The following CHST9 variants were observed in gnomAD, a reference collection of about 807,000 sequenced individuals.
CHST9 encodes GalNAc-4-sulfotransferase 2.
CHST9 carries 41 observed loss-of-function variants against 44.4 expected under a neutral mutation model. That is an observed-to-expected ratio of 0.92 (90% CI 0.72 to 1.20). The LOEUF is 1.20. Ranked by LOEUF, CHST9 falls within the 50% of genes most tolerant of loss-of-function variation. The pLI is 0.00. For synonymous variants in CHST9, 171 were observed against 178.4 expected (o/e 0.96, Z 0.33); for missense variants, 504 against 516.5 (o/e 0.98, Z 0.23).
chr18:26,938,340 G>A (rs1405084492), intron 5 of CHST9, among the ~76,000 whole-genome samples: 2 of 152,000 alleles, frequency 1.3e-5, no homozygotes, highest in African/African-American at 2.4e-5. Context: ...ACCACTTTTC[G>A]ATCCTTTCAG....
chr18:27,132,408 C>T (rs1049992217), intron 2 of CHST9, among the ~76,000 whole-genome samples: 3 of 152,172 alleles, frequency 2.0e-5, no homozygotes, highest in African/African-American at 7.2e-5. Context: ...AAAATCTGCA[C>T]CCCACCCCAA....
intron 2 of CHST9, among the ~76,000 whole-genome samples, chr18:27,093,881 C>CT (rs11296129): frequency 1.0e-4 from 15 of 147,406 alleles, no homozygotes; most frequent in African/African-American, 2.7e-4. Context: ...CCTTCCCTTC[C>CT]TTTTTTTTTT....
chr18:27,020,965 G>A (rs766196570), intron 4 of CHST9, among the ~76,000 whole-genome samples: 14 of 152,122 alleles, frequency 9.2e-5, no homozygotes, highest in Non-Finnish European at 1.8e-4. Context: ...AGCAAATTCT[G>A]GAATGAGGTT....
chr18:27,087,576 A>T (rs1289745161), intron 2 of CHST9, among the ~76,000 whole-genome samples: 1 of 152,324 alleles, frequency 6.6e-6, no homozygotes, highest in Non-Finnish European at 1.5e-5. Flanking sequence ...CCTGTTTTGC[A>T]AATTTGTAAC....
At chr18:26,946,661 T>C (rs1047628174) in intron 4 of CHST9, among the ~76,000 whole-genome samples, 3 of 152,222 alleles carry the variant, frequency 2.0e-5, no homozygotes, top group African/African-American at 7.2e-5. Context: ...GGTCTTACGT[T>C]TAAGTCTTTA....
At chr18:27,121,587 G>C (rs2058375041) in intron 2 of CHST9, among the ~76,000 whole-genome samples, 1 of 152,184 alleles carries the variant, frequency 6.6e-6, no homozygotes, top group Non-Finnish European at 1.5e-5. Flanking sequence ...GGAAGAAAGG[G>C]AGTCCTTTTT....
At chr18:27,176,810 C>A (rs2058872310) in intron 1 of CHST9, among the ~76,000 whole-genome samples, 1 of 151,960 alleles carries the variant, frequency 6.6e-6, no homozygotes, top group African/African-American at 2.4e-5. Flanking sequence ...GCTCTGGTAC[C>A]TGGGATTTCA....
At chr18:27,036,241 A>G (rs1340367245) in intron 3 of CHST9, among the ~76,000 whole-genome samples, 2 of 152,154 alleles carry the variant, frequency 1.3e-5, no homozygotes, top group Non-Finnish European at 2.9e-5. Flanking sequence ...GTCCTGCTTC[A>G]TAGGTAAGTC....
rs753710415 is a variant in CHST9, at chr18:26,912,814, T to C, written c.*3445A>G. On this transcript the variant is annotated 3_prime_UTR_variant, in exon 6 of 6. Transcript: ENST00000618847. ...TACTGTATAATGATCATGATTGAGATTGAGAAGGTATGAGCCTAAATGTAG... is the reference window on the plus strand; with the variant it reads ...TACTGTATAATGATCATGATTGAGACTGAGAAGGTATGAGCCTAAATGTAG... 3 of 152,202 alleles carry C rather than the reference T, an allele frequency of 2.0e-5. No homozygotes were observed. The highest frequency in any genetic ancestry group is 6.5e-5 in the Admixed American group (1 of 15,282). The allele number at this position is 152,202 out of a possible 1,614,324, so 9.4% of individuals were successfully genotyped here.
intron 3 of CHST9, among the ~76,000 whole-genome samples, chr18:27,024,990 T>C (rs1434937663): frequency 6.6e-6 from 1 of 151,012 alleles, no homozygotes; most frequent in African/African-American, 2.4e-5. Context: ...AATGTAATTA[T>C]ATGACTACTT....
At chr18:27,078,593 G>A (rs2057930255) in intron 2 of CHST9, among the ~76,000 whole-genome samples, 1 of 152,170 alleles carries the variant, frequency 6.6e-6, no homozygotes, top group Non-Finnish European at 1.5e-5. Flanking sequence ...GTTCAATGGT[G>A]TTATGTGACT....
chr18:27,052,280 ATATATATGTGTGTATATATG>A (rs1273287022), intron 2 of CHST9, among the ~76,000 whole-genome samples: 2 of 69,348 alleles, frequency 2.9e-5, no homozygotes, highest in Non-Finnish European at 4.9e-5. Flanking sequence ...ATATATATGT[ATATATATGTGTGTATATATG>A]TATATATGTG....
chr18:27,045,301 C>T (rs2057487166), intron 3 of CHST9, among the ~76,000 whole-genome samples: 1 of 151,928 alleles, frequency 6.6e-6, no homozygotes, highest in Non-Finnish European at 1.5e-5. Context: ...AGTAAGCATC[C>T]TAACATACCT....
chr18:26,939,288 A>G (rs565755965), intron 5 of CHST9, among the ~76,000 whole-genome samples: 79 of 152,300 alleles, frequency 5.2e-4, no homozygotes, highest in African/African-American at 1.9e-3. Flanking sequence ...TAAATTTTGT[A>G]CATGAAGAGA....
At chr18:26,959,181 A>G (rs909566867) in intron 4 of CHST9, among the ~76,000 whole-genome samples, 1 of 152,224 alleles carries the variant, frequency 6.6e-6, no homozygotes, top group Non-Finnish European at 1.5e-5. Flanking sequence ...AGATGCAGCT[A>G]GAGGCCATTA....
intron 4 of CHST9, among the ~76,000 whole-genome samples, chr18:26,947,424 G>C (rs373567845): frequency 4.6e-5 from 7 of 152,286 alleles, no homozygotes; most frequent in African/African-American, 1.7e-4. Context: ...TTAAACCAAA[G>C]AGCTTCTGCA....
At chr18:27,009,478 TA>T (rs1174796860) in intron 4 of CHST9, among the ~76,000 whole-genome samples, 1 of 152,250 alleles carries the variant, frequency 6.6e-6, no homozygotes, top group Non-Finnish European at 1.5e-5. Context: ...ATCTTTGGAC[TA>T]ATGGAATTTG....
chr18:27,172,055 C>T (rs182143180), intron 1 of CHST9, among the ~76,000 whole-genome samples: 62 of 152,190 alleles, frequency 4.1e-4, no homozygotes, highest in Admixed American at 2.3e-3. Context: ...GAATTATTCC[C>T]CAAGGCACAG....
chr18:26,917,314 T>C lies in CHST9; in HGVS notation c.277A>G (p.Lys93Glu). 1.2e-6 allele frequency: 2 copies of C among 1,612,484 alleles called. No homozygotes were observed. Among genetic ancestry groups the C allele is most frequent in the East Asian group, 4.5e-5 (2 of 44,876 alleles). ...GAATTGAGTAGAAGATTTTCCTTTT[T>C]TTCTCGTACATCCTCAGGCATGTGA... ...KFHMPEDVRE[K>E]KENLLLNSER... The change falls in exon 6 of 6, where the codon AAA becomes GAA. Residue 93 changes from lysine to glutamate, a missense_variant. Transcript: ENST00000618847.
Sources: allele counts gnomAD v4.1 joint callset (sites outside exome capture counted in the v4.1 genomes callset), GRCh38; gene constraint gnomAD v4.1.1; transcripts MANE v1.5; gene names NCBI Gene and HGNC (gene_info 2026-07-23, HGNC 2026-07-21).